The following SORCS3 variants were observed in gnomAD, a reference collection of about 807,000 sequenced individuals.
The protein encoded by SORCS3 is sortilin related VPS10 domain containing receptor 3, also known as VPS10 domain-containing receptor SorCS3.
In SORCS3, 57 loss-of-function variants were observed where a neutral mutation model predicts 146.3. The observed-to-expected ratio is 0.39, with a 90% confidence interval of 0.31 to 0.49. The LOEUF (loss-of-function observed/expected upper bound fraction) is 0.49. Among genes scored for constraint, SORCS3 ranks in the 20% least tolerant of loss-of-function variants. SORCS3 has a pLI of 0.92. For synonymous variants in SORCS3, 653 were observed against 618.5 expected, an observed-to-expected ratio of 1.06 and a Z score of -0.83; for missense variants, 1,341 against 1,575.5, an observed-to-expected ratio of 0.85 and a Z score of 2.52.
chr10:105,200,982 T>C, intron 15 of SORCS3, 138 bp from the exon 16 acceptor site: 3 of 919,022 alleles, frequency 3.3e-6, no homozygotes, highest in Non-Finnish European at 4.7e-6. Flanking sequence ...TTGAAACTCC[T>C]GGATCATTAC....
chr10:105,104,195 A>G (rs2055805702), intron 6 of SORCS3, among the ~76,000 whole-genome samples: 1 of 152,234 alleles, frequency 6.6e-6, no homozygotes, highest in Admixed American at 6.5e-5. Context: ...TTAGATAGGC[A>G]TATGTAATAA....
intron 1 of SORCS3, among the ~76,000 whole-genome samples, chr10:104,723,904 A>G (rs2016585690): frequency 1.3e-5 from 2 of 152,148 alleles, no homozygotes; most frequent in Admixed American, 6.5e-5. Flanking sequence ...AATACAGCAC[A>G]CTGATGGGTC....
At chr10:104,879,372 T>C (rs1050665506) in intron 2 of SORCS3, among the ~76,000 whole-genome samples, 10 of 152,064 alleles carry the variant, frequency 6.6e-5, no homozygotes, top group African/African-American at 2.2e-4. Flanking sequence ...ACAGGCCAAG[T>C]CCTTCTCACC....
intron 3 of SORCS3, among the ~76,000 whole-genome samples, chr10:104,959,231 T>G (rs2133633401): frequency 6.6e-6 from 1 of 152,296 alleles, no homozygotes; most frequent in South Asian, 2.1e-4. Flanking sequence ...ACTATGGAAC[T>G]GAATGCTATT....
At chr10:105,116,895 GT>G (rs2055897321) in intron 7 of SORCS3, among the ~76,000 whole-genome samples, 1 of 152,080 alleles carries the variant, frequency 6.6e-6, no homozygotes, top group African/African-American at 2.4e-5. Context: ...AAAGTGGAGG[GT>G]GGGAGGAGGA....
At chr10:105,225,022 C>T (rs2056725869) in intron 20 of SORCS3, among the ~76,000 whole-genome samples, 1 of 152,042 alleles carries the variant, frequency 6.6e-6, no homozygotes, top group Admixed American at 6.6e-5. Context: ...TTTTCTTCCA[C>T]TCTGTGGCTT....
intron 20 of SORCS3, among the ~76,000 whole-genome samples, chr10:105,245,161 T>C (rs1175833979): frequency 1.3e-5 from 2 of 151,512 alleles, no homozygotes; most frequent in Admixed American, 6.6e-5. Context: ...CATAATCCAG[T>C]GAAATATAGG....
chr10:105,121,904 T>A (rs2055936582), intron 7 of SORCS3, among the ~76,000 whole-genome samples: 1 of 152,116 alleles, frequency 6.6e-6, no homozygotes, highest in African/African-American at 2.4e-5. Flanking sequence ...CCTGTGTACG[T>A]CTTGCCATGC....
intron 3 of SORCS3, among the ~76,000 whole-genome samples, chr10:104,929,588 G>A (rs1010701380): frequency 6.6e-5 from 10 of 152,192 alleles, no homozygotes; most frequent in African/African-American, 2.2e-4. Context: ...GGTCCCAAAG[G>A]TTCCAAGCCC....
chr10:104,644,049 T>C (rs2015461847), intron 1 of SORCS3, among the ~76,000 whole-genome samples: 2 of 152,086 alleles, frequency 1.3e-5, no homozygotes, highest in Admixed American at 6.6e-5. Flanking sequence ...GCAGAAGAGG[T>C]GAGGGGCAGG....
intron 1 of SORCS3, among the ~76,000 whole-genome samples, chr10:104,809,144 T>C (rs566590506): frequency 1.3e-5 from 2 of 152,372 alleles, no homozygotes; most frequent in East Asian, 3.9e-4. Context: ...ACCTTTAGGA[T>C]ATACAAATAG....
intron 8 of SORCS3, among the ~76,000 whole-genome samples, chr10:105,147,054 A>C (rs555855525): frequency 6.6e-6 from 1 of 150,534 alleles, no homozygotes; most frequent in East Asian, 1.9e-4. Flanking sequence ...TTGCTCCTAA[A>C]ATATTACACA....
chr10:105,024,923 A>G (rs769348165), intron 4 of SORCS3, among the ~76,000 whole-genome samples: 12 of 152,114 alleles, frequency 7.9e-5, no homozygotes, highest in African/African-American at 2.9e-4. Context: ...AAGTGCAATG[A>G]TTTTACAGAT....
chr10:104,749,340 C>T (rs1477739470), intron 1 of SORCS3, among the ~76,000 whole-genome samples: 1 of 151,590 alleles, frequency 6.6e-6, no homozygotes, highest in Non-Finnish European at 1.5e-5. Context: ...CCAAGGAATG[C>T]TTTATCACTT....
intron 1 of SORCS3, among the ~76,000 whole-genome samples, chr10:104,826,810 C>T (rs936010296): frequency 2.6e-5 from 4 of 152,120 alleles, no homozygotes; most frequent in Non-Finnish European, 5.9e-5. Context: ...AGCATTTTAC[C>T]CACAGTAAAC....
chr10:104,660,999 T>TTTTA (rs1213375737), intron 1 of SORCS3, among the ~76,000 whole-genome samples: 5 of 152,238 alleles, frequency 3.3e-5, no homozygotes, highest in African/African-American at 9.6e-5. Flanking sequence ...CCTTTTTAAA[T>TTTTA]TTTATTTATT....
intron 3 of SORCS3, among the ~76,000 whole-genome samples, chr10:104,940,250 T>A (rs1437195496): frequency 1.5e-3 from 119 of 77,386 alleles, no homozygotes; most frequent in Middle Eastern, 7.1e-3. Context: ...TTTTTTTTTT[T>A]TTTTTATTAT....
At chr10:104,926,160 G>C (rs1365078422) in intron 3 of SORCS3, among the ~76,000 whole-genome samples, 1 of 152,158 alleles carries the variant, frequency 6.6e-6, no homozygotes, top group African/African-American at 2.4e-5. Context: ...CCAGAGGCTT[G>C]GATTTTTAAA....
At chr10:105,102,559 T>C (rs1476737669) in intron 6 of SORCS3, among the ~76,000 whole-genome samples, 3 of 152,012 alleles carry the variant, frequency 2.0e-5, no homozygotes, top group East Asian at 3.9e-4. Context: ...AGGATGAAAA[T>C]AGAAAAACTA....
Sources: gnomAD v4.1 joint callset for allele counts (sites outside exome capture counted in the v4.1 genomes callset) on GRCh38, gnomAD v4.1.1 for gene constraint, MANE v1.5 for transcripts, NCBI Gene and HGNC (gene_info 2026-07-23, HGNC 2026-07-21) for gene names.